NELL2: variants seen among roughly 807,000 people sequenced by gnomAD.
NELL2 encodes the protein neural EGFL like 2.
A neutral mutation model predicts 109.6 loss-of-function variants in NELL2; 41 were observed. That is an observed-to-expected ratio of 0.37 (90% CI 0.29 to 0.49). NELL2 has a LOEUF of 0.49. Among genes scored for constraint, NELL2 ranks in the 20% least tolerant of loss-of-function variants. NELL2 has a pLI of 0.98. For missense variants in NELL2, 900 were observed against 1,008.3 expected (o/e 0.89, Z 1.45); for synonymous variants, 355 against 344.7 (o/e 1.03, Z -0.33).
At chr12:44,853,772 T>C (rs1321471083) in intron 2 of NELL2, among the ~76,000 whole-genome samples, 6 of 152,190 alleles carry the variant, frequency 3.9e-5, no homozygotes, top group South Asian at 4.1e-4. Context: ...GGAGTACTCA[T>C]ATACTTTAAA....
At chr12:44,639,283 TG>T (rs1402161986) in intron 13 of NELL2, among the ~76,000 whole-genome samples, 1 of 152,112 alleles carries the variant, frequency 6.6e-6, no homozygotes, top group Non-Finnish European at 1.5e-5. Flanking sequence ...TTGTAAATAA[TG>T]ACATAAATGG....
intron 19 of NELL2, among the ~76,000 whole-genome samples, chr12:44,515,151 T>C (rs982426551): frequency 2.0e-5 from 3 of 151,774 alleles, no homozygotes; most frequent in Non-Finnish European, 4.4e-5. Context: ...TGTCACAAAT[T>C]ACATTAAATG....
intron 3 of NELL2, among the ~76,000 whole-genome samples, chr12:44,805,573 T>C (rs746062844): frequency 4.0e-5 from 6 of 151,870 alleles, no homozygotes; most frequent in South Asian, 4.1e-4. Flanking sequence ...ATACCTTAGA[T>C]ACCTACATCT....
chr12:44,658,981 T>C (rs983762774), intron 13 of NELL2, among the ~76,000 whole-genome samples: 3 of 151,344 alleles, frequency 2.0e-5, no homozygotes, highest in Non-Finnish European at 4.4e-5. Context: ...CAAAACAGCA[T>C]GATACTGGTA....
At chr12:44,879,859 A>G (rs750275350), upstream of NELL2, among the ~76,000 whole-genome samples, 2 of 151,946 alleles carry the variant, frequency 1.3e-5, no homozygotes, top group Non-Finnish European at 2.9e-5. Context: ...TAAATGTCAA[A>G]TCTCAAGCTT....
intron 2 of NELL2, among the ~76,000 whole-genome samples, chr12:44,839,229 C>A (rs1944147838): frequency 6.6e-6 from 1 of 152,190 alleles, no homozygotes; most frequent in Non-Finnish European, 1.5e-5. Flanking sequence ...CCCCTGGTAA[C>A]CTTGGCAACC....
At chr12:44,548,422 G>A (rs2136161138) in intron 15 of NELL2, among the ~76,000 whole-genome samples, 1 of 152,088 alleles carries the variant, frequency 6.6e-6, no homozygotes, top group East Asian at 1.9e-4. Flanking sequence ...GCAGGCACTT[G>A]TAATCTTAGC....
In NELL2 at chr12:44,777,172, T is replaced by C; in HGVS notation, c.680-48A>G. 3 of 1,609,774 alleles carry C rather than the reference T, an allele frequency of 1.9e-6. No homozygotes were observed. The South Asian group carries it at 3.3e-5, about 18-fold the overall frequency. ...TGGTCAAGATGCATTTATAAGGGGT[T>C]CAATCTGGTTAAGTCTATGCTGACA... On this transcript the variant is annotated intron_variant, in intron 6 of 19. Coordinates refer to ENST00000429094, the MANE Select transcript of NELL2 (RefSeq NM_001145108.2).
At chr12:44,746,057 G>T (rs1681033147) in intron 9 of NELL2, among the ~76,000 whole-genome samples, 2 of 152,136 alleles carry the variant, frequency 1.3e-5, no homozygotes, top group Middle Eastern at 6.8e-3. Flanking sequence ...ATACTACAAG[G>T]CTACAGTAAC....
chr12:44,679,766 G>A (rs1391677032), intron 12 of NELL2, among the ~76,000 whole-genome samples: 1 of 152,044 alleles, frequency 6.6e-6, no homozygotes, highest in African/African-American at 2.4e-5. Context: ...AACATGTCTT[G>A]CCCTTTCCCT....
chr12:44,881,847 C>T (rs1363913498), intron 1 of NELL2: 3 of 151,064 alleles, frequency 2.0e-5, no homozygotes, highest in Non-Finnish European at 4.4e-5. Context: ...GTGCTGAAAA[C>T]AATAGAAAAA....
chr12:44,554,627 A>G (rs1463985378), intron 15 of NELL2, among the ~76,000 whole-genome samples: 1 of 152,210 alleles, frequency 6.6e-6, no homozygotes, highest in Non-Finnish European at 1.5e-5. Flanking sequence ...TTCAATTTTT[A>G]AAAAGCTATT....
At chr12:44,870,379 C>A (rs972415978) in intron 2 of NELL2, among the ~76,000 whole-genome samples, 1 of 152,174 alleles carries the variant, frequency 6.6e-6, no homozygotes, top group Admixed American at 6.5e-5. Context: ...AAGCCACTTC[C>A]ATATTTTTTA....
intron 15 of NELL2, among the ~76,000 whole-genome samples, chr12:44,565,917 T>G (rs774569254): frequency 3.9e-5 from 6 of 152,086 alleles, no homozygotes; most frequent in Non-Finnish European, 7.4e-5. Context: ...AGCTTAGACT[T>G]TATCTCCTAA....
At chr12:44,880,130 CACACACACACAG>C (rs1354331827), upstream of NELL2, among the ~76,000 whole-genome samples, 935 of 142,280 alleles carry the variant, frequency 6.6e-3, 23 homozygotes, top group African/African-American at 0.022. Context: ...CACACACACA[CACACACACACAG>C]AGAGAGAGAG....
chr12:44,775,849 G>A (rs893078829), intron 8 of NELL2, among the ~76,000 whole-genome samples, 173 bp downstream of exon 8: 1 of 152,194 alleles, frequency 6.6e-6, no homozygotes, highest in Admixed American at 6.5e-5. Context: ...AAGCTAGAAA[G>A]TGTTTTTAAT....
intron 12 of NELL2, among the ~76,000 whole-genome samples, chr12:44,681,672 G>T (rs1948512190): frequency 1.3e-5 from 2 of 151,968 alleles, no homozygotes; most frequent in South Asian, 2.1e-4. Flanking sequence ...GCGGTGTTTG[G>T]TTTTTTGTTC....
intron 2 of NELL2, among the ~76,000 whole-genome samples, chr12:44,846,292 A>C (rs1363550822): frequency 6.6e-6 from 1 of 152,222 alleles, no homozygotes; most frequent in Non-Finnish European, 1.5e-5. Context: ...ATGCACTTAC[A>C]ATAAGGAAAA....
intron 9 of NELL2, among the ~76,000 whole-genome samples, chr12:44,756,251 C>A (rs1013511132): frequency 1.3e-5 from 2 of 151,980 alleles, no homozygotes; most frequent in African/African-American, 4.8e-5. Context: ...TGCTTTCTGC[C>A]CTATTTGCAC....
Sources: allele counts gnomAD v4.1 joint callset (sites outside exome capture counted in the v4.1 genomes callset), GRCh38; gene constraint gnomAD v4.1.1; transcripts MANE v1.5; gene names NCBI Gene and HGNC (gene_info 2026-07-23, HGNC 2026-07-21).